The following DLGAP2 variants were observed in gnomAD, a reference collection of about 807,000 sequenced individuals.
The protein encoded by DLGAP2 is disks large-associated protein 2.
A neutral mutation model predicts 100.3 loss-of-function variants in DLGAP2; 26 were observed. That is an observed-to-expected ratio of 0.26 (90% CI 0.19 to 0.36). The LOEUF (loss-of-function observed/expected upper bound fraction) is 0.36. Among genes scored for constraint, DLGAP2 ranks in the 10% least tolerant of loss-of-function variants. The pLI is 1.00. For synonymous variants in DLGAP2, 886 were observed against 630.1 expected (o/e 1.41, Z -6.08); for missense variants, 1,858 against 1,453.2 (o/e 1.28, Z -4.53).
chr8:1,090,780 T>A (rs1008135901), intron 2 of DLGAP2, among the ~76,000 whole-genome samples: 2 of 152,262 alleles, frequency 1.3e-5, no homozygotes, highest in African/African-American at 4.8e-5. Context: ...GTTATTATTA[T>A]TTAGTACAAA....
chr8:1,028,320 C>T (rs1363465223), intron 2 of DLGAP2, among the ~76,000 whole-genome samples: 8 of 140,182 alleles, frequency 5.7e-5, no homozygotes, highest in African/African-American at 1.4e-4. Flanking sequence ...GTCAGGCGCC[C>T]GTTATTCTCC....
intron 1 of DLGAP2, among the ~76,000 whole-genome samples, chr8:861,782 A>G (rs946564720): frequency 2.6e-5 from 4 of 152,214 alleles, no homozygotes; most frequent in African/African-American, 7.2e-5. Flanking sequence ...TTTTGCAGGC[A>G]GGACACACCT....
At chr8:1,257,778 G>C (rs1017969142) in intron 2 of DLGAP2, among the ~76,000 whole-genome samples, 1 of 152,002 alleles carries the variant, frequency 6.6e-6, no homozygotes, top group African/African-American at 2.4e-5. Context: ...CCGAGGGCCC[G>C]TGCAGGCCAG....
At chr8:1,677,499 C>T (rs1798837524) in intron 11 of DLGAP2, among the ~76,000 whole-genome samples, 1 of 152,124 alleles carries the variant, frequency 6.6e-6, no homozygotes, top group East Asian at 1.9e-4. Flanking sequence ...GCTGCAGTAG[C>T]TGGGACTATG....
At chr8:1,409,863 G>A (rs867682772) in intron 3 of DLGAP2, among the ~76,000 whole-genome samples, 9 of 152,300 alleles carry the variant, frequency 5.9e-5, no homozygotes, top group South Asian at 2.1e-4. Context: ...CCTCAGTGCC[G>A]GGGCCTTCGG....
At chr8:1,068,810 C>T (rs1227069179) in intron 2 of DLGAP2, among the ~76,000 whole-genome samples, 3 of 152,084 alleles carry the variant, frequency 2.0e-5, no homozygotes, top group African/African-American at 4.8e-5. Context: ...AGGGAGACCT[C>T]GTGGGGGCTT....
At chr8:1,498,429 T>C (rs1799613938) in intron 3 of DLGAP2, among the ~76,000 whole-genome samples, 1 of 152,182 alleles carries the variant, frequency 6.6e-6, no homozygotes, top group South Asian at 2.1e-4. Flanking sequence ...TATTTTGTTC[T>C]TTATCTGTCA....
chr8:1,625,825 T>C (rs1475800604), intron 6 of DLGAP2, among the ~76,000 whole-genome samples: 1 of 152,252 alleles, frequency 6.6e-6, no homozygotes, highest in African/African-American at 2.4e-5. Flanking sequence ...CCTATTACTT[T>C]TGATGAAATT....
intron 6 of DLGAP2, among the ~76,000 whole-genome samples, chr8:1,607,124 A>G (rs1002278235): frequency 6.6e-6 from 1 of 152,278 alleles, no homozygotes; most frequent in Non-Finnish European, 1.5e-5. Context: ...GCTGTACTAC[A>G]TATAATATTA....
At chr8:1,126,631 G>A (rs535162142) in intron 2 of DLGAP2, among the ~76,000 whole-genome samples, 1 of 152,260 alleles carries the variant, frequency 6.6e-6, no homozygotes, top group African/African-American at 2.4e-5. Flanking sequence ...GTCTCGGGGT[G>A]ATCAGAGGCT....
At position 1,549,374 on chromosome 8, in the gene DLGAP2, C is replaced by T. The variant is rs749876134; in HGVS notation, c.921C>T (p.Ser307=). ...CGGACGACAACCTGGACAGCGACAG[C>T]ACCTATCGGACGCCCAGCGTGCTCA... is the stretch of plus-strand genomic sequence containing the variant. ...WSSDDNLDSD[S]TYRTPSVLNR... The change falls in exon 5 of 15, where the codon AGC becomes AGT. Residue 307 remains serine, a synonymous_variant. Transcript: ENST00000637795. The T allele has an allele frequency of 6.2e-7, 1 of 1,613,466 alleles. No individual in the cohort carries two copies. Among genetic ancestry groups the T allele is most frequent in the South Asian group, 1.1e-5 (1 of 91,084 alleles).
chr8:786,614 T>A (rs1445357460), intron 1 of DLGAP2, among the ~76,000 whole-genome samples: 3 of 151,514 alleles, frequency 2.0e-5, no homozygotes, highest in Non-Finnish European at 1.5e-5. Context: ...AACCAGCGGC[T>A]CTTCGGGAGA....
chr8:1,174,795 C>T (rs2116687489), intron 2 of DLGAP2, among the ~76,000 whole-genome samples: 1 of 152,278 alleles, frequency 6.6e-6, no homozygotes, highest in African/African-American at 2.4e-5. Context: ...CCATCATTAT[C>T]ACTACCTCCA....
At chr8:1,180,613 G>C (rs1043202544) in intron 2 of DLGAP2, among the ~76,000 whole-genome samples, 7 of 124,018 alleles carry the variant, frequency 5.6e-5, no homozygotes, top group African/African-American at 2.0e-4. Flanking sequence ...GGGTGTGTGA[G>C]GGCAGCACAC....
At chr8:1,668,234 T>A in intron 8 of DLGAP2, 95 bp from the exon 9 acceptor site, 1 of 1,200,690 alleles carries the variant, frequency 8.3e-7, no homozygotes. Context: ...ACAGACTTGC[T>A]CCGTCAACCA....
At chr8:989,465 G>A (rs1800591164) in intron 2 of DLGAP2, among the ~76,000 whole-genome samples, 1 of 152,160 alleles carries the variant, frequency 6.6e-6, no homozygotes. Flanking sequence ...CACTTCCTCT[G>A]TCCTCTACAT....
At chr8:1,261,934 G>T (rs1183073813) in intron 3 of DLGAP2, among the ~76,000 whole-genome samples, 3 of 152,278 alleles carry the variant, frequency 2.0e-5, no homozygotes, top group African/African-American at 7.2e-5. Context: ...TGTGCGGCTC[G>T]GATGTGGGTG....
intron 1 of DLGAP2, among the ~76,000 whole-genome samples, chr8:799,151 G>A (rs181562304): frequency 1.8e-4 from 28 of 152,250 alleles, no homozygotes; most frequent in Admixed American, 1.4e-3. Flanking sequence ...CTAAGAATCC[G>A]AGTGTCTTTG....
chr8:1,549,960 A>G (rs544073722), intron 5 of DLGAP2, among the ~76,000 whole-genome samples: 3 of 152,310 alleles, frequency 2.0e-5, no homozygotes, highest in Non-Finnish European at 2.9e-5. Context: ...GTGCTGGCCA[A>G]CAGGTCTCTT....
Sources: gnomAD v4.1 joint callset for allele counts (sites outside exome capture counted in the v4.1 genomes callset) on GRCh38, gnomAD v4.1.1 for gene constraint, MANE v1.5 for transcripts, NCBI Gene and HGNC (gene_info 2026-07-23, HGNC 2026-07-21) for gene names.